Variants in RPGRIP1 observed in about 807,000 individuals in gnomAD.
RPGRIP1 encodes the protein RPGR interacting protein 1.
RPGRIP1 carries 128 observed loss-of-function variants against 157.9 expected under a neutral mutation model. The ratio of observed to expected loss-of-function variants is 0.81; its 90% CI spans 0.70 to 0.94. RPGRIP1 has a LOEUF of 0.94. Ranked by LOEUF, RPGRIP1 falls within the 40% of genes least tolerant of loss-of-function variation. The probability of loss-of-function intolerance (pLI) is 0.00; values close to 1 mark genes in which losing one functional copy is unlikely to be tolerated. For missense variants in RPGRIP1, 1,486 were observed against 1,545.8 expected (o/e 0.96, Z 0.65); for synonymous variants, 554 against 571.6 (o/e 0.97, Z 0.44).
rs777883714 is a variant in RPGRIP1, at chr14:21,326,035, A to G, written c.2572A>G (p.Thr858Ala). 1.2e-6 allele frequency: 2 copies of G among 1,613,786 alleles called. No individual in the cohort carries two copies. The highest frequency in any genetic ancestry group is 2.2e-5 in the South Asian group (2 of 91,080). ...CCAGGCTCGATTCCCAGTGCTTGTG[A>G]CCTCTGACCTGGACCATTATCTGAG... The part of the protein sequence containing the change: ...RDQARFPVLV[T>A]SDLDHYLRRE... The change falls in exon 17 of 25, where the codon ACC (threonine) becomes GCC (alanine). Residue 858 changes from threonine (T) to alanine (A), a missense_variant. Physicochemically the swap from Thr to Ala is moderately conservative, Grantham distance 58. Coordinates refer to ENST00000400017, the MANE Select transcript of RPGRIP1 (RefSeq NM_020366.4).
At chr14:21,303,630 G>A (rs1881135318) in intron 6 of RPGRIP1, 87 bp downstream of exon 6, 1 of 1,015,360 alleles carries the variant, frequency 9.8e-7, no homozygotes, top group Non-Finnish European at 1.5e-6. Flanking sequence ...CATCTCAGAG[G>A]AAAAGAGTGT....
At chr14:21,329,176 A>C (rs1320280973) in intron 19 of RPGRIP1, among the ~76,000 whole-genome samples, 1 of 150,682 alleles carries the variant, frequency 6.6e-6, no homozygotes, top group African/African-American at 2.4e-5. Flanking sequence ...TTAGCCAGGC[A>C]TGGTGGTATG....
At chr14:21,319,822 A>G (rs1228784096) in intron 11 of RPGRIP1, among the ~76,000 whole-genome samples, 195 bp from the exon 12 acceptor site, 1 of 152,114 alleles carries the variant, frequency 6.6e-6, no homozygotes, top group Non-Finnish European at 1.5e-5. Context: ...TTGTTTTCGG[A>G]GTGCAAGTAG....
At position 21,303,533 on chromosome 14, in the gene RPGRIP1, G is replaced by A; in HGVS notation, c.790G>A (p.Ala264Thr). 1.2e-6 allele frequency: 2 copies of A among 1,613,188 alleles called. No homozygotes were observed. Among genetic ancestry groups the A allele is most frequent in the East Asian group, 4.5e-5 (2 of 44,884 alleles). Residue 264 changes from alanine (A) to threonine (T), a missense_variant, in exon 6 of 25, where the codon GCA becomes ACA. By Grantham distance (58) the Ala-to-Thr change is moderately conservative. Transcript: ENST00000400017. ...RSSLECAQKA[A>T]ELRASIKEKV... The stretch of plus-strand genomic sequence containing the variant: ...CTCATTGGAGTGTGCTCAGAAGGCT[G>A]CAGAGCTTCGGTAAGAGTGTGGCAC...
chr14:21,322,434 C>T (rs1056881922), intron 14 of RPGRIP1, among the ~76,000 whole-genome samples: 3 of 152,178 alleles, frequency 2.0e-5, no homozygotes, highest in Non-Finnish European at 2.9e-5. Context: ...GATGGGATTA[C>T]AGGTGCGAGC....
intron 10 of RPGRIP1, 143 bp from the exon 11 acceptor site, chr14:21,317,553 A>G (rs935640369): frequency 1.0e-4 from 159 of 1,521,542 alleles, no homozygotes; most frequent in Non-Finnish European, 1.3e-4. Context: ...GGTAAATGAC[A>G]GTTATGAATA....
At chr14:21,305,982 G>A (rs892534580) in intron 6 of RPGRIP1, among the ~76,000 whole-genome samples, 2 of 152,050 alleles carry the variant, frequency 1.3e-5, no homozygotes, top group African/African-American at 4.8e-5. Flanking sequence ...ATCTCTCCAG[G>A]TTATTCTAAT....
chr14:21,302,481 C>T lies in RPGRIP1; in HGVS notation c.491-7C>T. The T allele has an allele frequency of 1.3e-6, 2 of 1,521,512 alleles. No individual in the cohort carries two copies. Among genetic ancestry groups the T allele is most frequent in the Non-Finnish European group, 1.8e-6 (2 of 1,122,620 alleles). The allele number at this position is 1,521,512 out of a possible 1,614,324, so 94.3% of individuals were successfully genotyped here. On this transcript the variant is annotated splice_region_variant and splice_polypyrimidine_tract_variant and intron_variant, in intron 4 of 24. Coordinates refer to ENST00000400017, the MANE Select transcript of RPGRIP1 (RefSeq NM_020366.4). ...CCCGAGTCTGCATCTTCTGTCTAAA[C>T]TTTTAGGGCCAAGGGACAGGCTGAG...
At chr14:21,308,364 A>G (rs779670705) in intron 7 of RPGRIP1, among the ~76,000 whole-genome samples, 1 of 152,224 alleles carries the variant, frequency 6.6e-6, no homozygotes. Context: ...GGTCAGCACC[A>G]TCCTTTTATT....
intron 12 of RPGRIP1, among the ~76,000 whole-genome samples, chr14:21,320,595 CT>C (rs34911429): frequency 0.011 from 1,033 of 95,172 alleles, 5 homozygotes; most frequent in African/African-American, 0.03. Context: ...CCGGCCCACT[CT>C]TTTTTTTTTT....
intron 10 of RPGRIP1, among the ~76,000 whole-genome samples, chr14:21,314,374 G>A (rs371850631): frequency 6.6e-6 from 1 of 151,244 alleles, no homozygotes; most frequent in East Asian, 2.0e-4. Context: ...ATGAGCCACC[G>A]ACCCTGGGCT....
intron 24 of RPGRIP1, among the ~76,000 whole-genome samples, chr14:21,349,002 T>TC (rs1047149658): frequency 2.4e-4 from 36 of 151,440 alleles, no homozygotes; most frequent in African/African-American, 8.5e-4. Context: ...TCCTCTTTCC[T>TC]CACATTCACT....
At chr14:21,307,974 G>A (rs1881387729) in intron 7 of RPGRIP1, 138 bp downstream of exon 7, 2 of 591,948 alleles carry the variant, frequency 3.4e-6, no homozygotes, top group African/African-American at 3.8e-5. Context: ...CAATTTATAA[G>A]TGATATTCAA....
chr14:21,301,004 G>C lies in RPGRIP1; in HGVS notation c.257G>C (p.Arg86Pro), dbSNP rs1255481934. 2.5e-6 allele frequency: 4 copies of C among 1,612,702 alleles called. No individual in the cohort carries two copies. Among genetic ancestry groups the C allele is most frequent in the South Asian group, 1.1e-5 (1 of 91,054 alleles). The change falls in exon 4 of 25, where the codon CGG becomes CCG. Residue 86 changes from arginine to proline, a missense_variant. Arg to Pro is a moderately radical substitution (Grantham distance 103). Coordinates refer to ENST00000400017, the MANE Select transcript of RPGRIP1 (RefSeq NM_020366.4). ...TTLLRLTAAG[R>P]DLRVAEEAAP... ...TTGCTGCGGTTGACCGCTGCTGGCC[G>C]GGACCTGCGGGTCGCGGAGGAGGCG...
At chr14:21,345,280 T>A in intron 23 of RPGRIP1, 83 bp downstream of exon 23, 2 of 896,534 alleles carry the variant, frequency 2.2e-6, no homozygotes, top group Non-Finnish European at 3.5e-6. Context: ...GTGCTGATGC[T>A]GAATATTTTA....
intron 10 of RPGRIP1, among the ~76,000 whole-genome samples, chr14:21,315,190 G>A (rs1371238872): frequency 1.3e-5 from 2 of 151,876 alleles, no homozygotes; most frequent in African/African-American, 4.8e-5. Flanking sequence ...AAACCTGTAA[G>A]TAAAAGAAAA....
intron 3 of RPGRIP1, among the ~76,000 whole-genome samples, chr14:21,297,053 AC>A (rs1880813961): frequency 6.6e-6 from 1 of 151,958 alleles, no homozygotes; most frequent in Non-Finnish European, 1.5e-5. Context: ...CTGAGATCAT[AC>A]CTAGTGCATA....
intron 19 of RPGRIP1, among the ~76,000 whole-genome samples, chr14:21,328,872 A>C (rs1439219662): frequency 6.6e-6 from 1 of 152,028 alleles, no homozygotes; most frequent in Non-Finnish European, 1.5e-5. Context: ...GGCCTGGTGC[A>C]GTGGCTCACG....
intron 22 of RPGRIP1, 38 bp from the exon 23 acceptor site, chr14:21,345,073 GTA>G: frequency 1.5e-6 from 2 of 1,312,382 alleles, no homozygotes; most frequent in Non-Finnish European, 2.2e-6. Context: ...CACTGCAACA[GTA>G]TATGATTCTT....
Sources: allele counts gnomAD v4.1 joint callset (sites outside exome capture counted in the v4.1 genomes callset), GRCh38; gene constraint gnomAD v4.1.1; transcripts MANE v1.5; gene names NCBI Gene and HGNC (gene_info 2026-07-23, HGNC 2026-07-21).